EPHB1: variants seen among roughly 807,000 people sequenced by gnomAD.
EPHB1 encodes ephrin type-B receptor 1.
EPHB1 carries 30 observed loss-of-function variants against 94.4 expected under a neutral mutation model. The observed-to-expected ratio is 0.32, with a 90% confidence interval of 0.24 to 0.43. The LOEUF (loss-of-function observed/expected upper bound fraction) is 0.43, where lower values mean the gene tolerates loss of function less well. EPHB1 is among the 20% of genes least tolerant of loss of function. EPHB1 has a pLI of 1.00. For missense variants in EPHB1, 1,055 were observed against 1,308.3 expected, an observed-to-expected ratio of 0.81 and a Z score of 2.99; for synonymous variants, 522 against 489.1, an observed-to-expected ratio of 1.07 and a Z score of -0.89.
intron 1 of EPHB1, among the ~76,000 whole-genome samples, chr3:134,886,707 C>A (rs2108313851): frequency 6.6e-6 from 1 of 152,124 alleles, no homozygotes; most frequent in South Asian, 2.1e-4. Flanking sequence ...GTGTGCAAAC[C>A]TTTTGCATGT....
At chr3:134,928,393 C>G (rs1257939405) in intron 2 of EPHB1, among the ~76,000 whole-genome samples, 1 of 152,216 alleles carries the variant, frequency 6.6e-6, no homozygotes, top group Admixed American at 6.5e-5. Context: ...GGATTCATTT[C>G]TAGCCCCCCT....
At position 134,977,395 on chromosome 3, in the gene EPHB1, G is replaced by A. The variant is rs554749943; in HGVS notation, c.805+25343G>A. On this transcript the variant is annotated intron_variant, in intron 3 of 15. Transcript: ENST00000398015. ...TAATTCTCACTCTAGAGCCCATGCCGTGGCAGACTCCCCCGCAAATACCTG... is the reference window on the plus strand; with the variant it reads ...TAATTCTCACTCTAGAGCCCATGCCATGGCAGACTCCCCCGCAAATACCTG... 4.3e-4 allele frequency among the ~76,000 whole-genome samples: 66 copies of A among 152,320 alleles called. 3 individuals are homozygous for A. In the South Asian group the frequency reaches 8.9e-3, roughly 21 times the overall value.
At chr3:135,236,260 C>G (rs1943649890) in intron 12 of EPHB1, among the ~76,000 whole-genome samples, 1 of 152,088 alleles carries the variant, frequency 6.6e-6, no homozygotes, top group Non-Finnish European at 1.5e-5. Context: ...TGCATCACCC[C>G]AATCTCTGCC....
At chr3:135,189,164 CCTT>C (rs1942400137) in intron 10 of EPHB1, among the ~76,000 whole-genome samples, 1 of 152,188 alleles carries the variant, frequency 6.6e-6, no homozygotes, top group Admixed American at 6.5e-5. Context: ...TTTCTTCCTT[CCTT>C]CTTTTCTTCT....
At chr3:135,001,969 C>T (rs1428941101) in intron 3 of EPHB1, among the ~76,000 whole-genome samples, 1 of 152,160 alleles carries the variant, frequency 6.6e-6, no homozygotes, top group East Asian at 1.9e-4. Context: ...ATCATTTGTA[C>T]AGCAACATTC....
intron 3 of EPHB1, among the ~76,000 whole-genome samples, chr3:135,001,774 T>C (rs548564299): frequency 2.6e-5 from 4 of 152,304 alleles, no homozygotes; most frequent in South Asian, 4.2e-4. Context: ...ATGTATCTTA[T>C]AGATGATTCC....
intron 4 of EPHB1, among the ~76,000 whole-genome samples, chr3:135,122,088 G>GT (rs1939988999): frequency 6.6e-6 from 1 of 152,186 alleles, no homozygotes; most frequent in South Asian, 2.1e-4. Flanking sequence ...TGTGGCTGTT[G>GT]TGCAGGTGCC....
chr3:135,043,459 C>G (rs1936911021), intron 3 of EPHB1, among the ~76,000 whole-genome samples: 2 of 152,084 alleles, frequency 1.3e-5, no homozygotes, highest in Admixed American at 1.3e-4. Context: ...GGTCTGTGGG[C>G]CCGATGCCTT....
intron 1 of EPHB1, among the ~76,000 whole-genome samples, chr3:134,891,235 G>A (rs1013483175): frequency 3.3e-5 from 5 of 152,178 alleles, no homozygotes; most frequent in Non-Finnish European, 7.3e-5. Context: ...TCAGTCTCCA[G>A]AGTAGCTGAG....
At chr3:134,855,549 CAG>C (rs1172891154) in intron 1 of EPHB1, among the ~76,000 whole-genome samples, 1 of 152,180 alleles carries the variant, frequency 6.6e-6, no homozygotes, top group Non-Finnish European at 1.5e-5. Context: ...CTCATCTGCA[CAG>C]AGATATCAGA....
chr3:135,225,635 C>A (rs1200469979), intron 12 of EPHB1, among the ~76,000 whole-genome samples: 1 of 152,054 alleles, frequency 6.6e-6, no homozygotes, highest in Non-Finnish European at 1.5e-5. Context: ...ACTGAAGCCC[C>A]ACAGTTCTTG....
At chr3:135,095,800 G>A (rs1310249968) in intron 3 of EPHB1, among the ~76,000 whole-genome samples, 3 of 152,172 alleles carry the variant, frequency 2.0e-5, no homozygotes, top group Non-Finnish European at 4.4e-5. Flanking sequence ...TCTCCACCTG[G>A]AAGCTTCTCT....
chr3:135,219,129 G>A (rs1943221150), intron 12 of EPHB1, among the ~76,000 whole-genome samples: 1 of 152,130 alleles, frequency 6.6e-6, no homozygotes, highest in South Asian at 2.1e-4. Flanking sequence ...TCAGAACAGA[G>A]GAGGCTAGAA....
intron 12 of EPHB1, among the ~76,000 whole-genome samples, 163 bp from the exon 13 acceptor site, chr3:135,240,985 G>A (rs1456175577): frequency 6.6e-6 from 1 of 152,108 alleles, no homozygotes; most frequent in East Asian, 1.9e-4. Context: ...CTCTAACTAG[G>A]CACAGCAACA....
At chr3:135,174,192 C>G (rs897107357) in intron 9 of EPHB1, among the ~76,000 whole-genome samples, 6 of 152,188 alleles carry the variant, frequency 3.9e-5, no homozygotes, top group Non-Finnish European at 7.3e-5. Context: ...ACATCTGTCC[C>G]CTGCTGATGG....
At chr3:135,249,651 G>T (rs1484382984) in intron 15 of EPHB1, among the ~76,000 whole-genome samples, 160 bp downstream of exon 15, 2 of 152,224 alleles carry the variant, frequency 1.3e-5, no homozygotes, top group Non-Finnish European at 2.9e-5. Flanking sequence ...GATGAAGGGG[G>T]ATGTGAGGGT....
intron 15 of EPHB1, among the ~76,000 whole-genome samples, chr3:135,255,145 G>C (rs908797094): frequency 6.6e-6 from 1 of 151,706 alleles, no homozygotes; most frequent in Non-Finnish European, 1.5e-5. Context: ...CAATTTTGTT[G>C]ATCCTTTCAA....
At chr3:135,231,564 G>C (rs1270622984) in intron 12 of EPHB1, among the ~76,000 whole-genome samples, 1 of 152,178 alleles carries the variant, frequency 6.6e-6, no homozygotes, top group Non-Finnish European at 1.5e-5. Flanking sequence ...AAGCTCAGGG[G>C]AGAGGCAGCA....
chr3:134,815,205 A>G (rs138513271), intron 1 of EPHB1, among the ~76,000 whole-genome samples: 1,800 of 152,328 alleles, frequency 0.012, 26 homozygotes, highest in Non-Finnish European at 0.013. Flanking sequence ...CTTAGATGAA[A>G]GTATTATAAC....
Sources: allele counts gnomAD v4.1 joint callset (sites outside exome capture counted in the v4.1 genomes callset), GRCh38; gene constraint gnomAD v4.1.1; transcripts MANE v1.5; gene names NCBI Gene and HGNC (gene_info 2026-07-23, HGNC 2026-07-21).